The following ENOX2 variants were observed in gnomAD, a reference collection of about 807,000 sequenced individuals.
ENOX2 encodes ecto-NOX disulfide-thiol exchanger 2, also known as APK1 antigen.
In ENOX2, 36 loss-of-function variants were observed where a neutral mutation model predicts 45.0. The ratio of observed to expected loss-of-function variants is 0.80; its 90% CI spans 0.61 to 1.06. The LOEUF (loss-of-function observed/expected upper bound fraction) is 1.06, where lower values mean the gene tolerates loss of function less well. Among genes scored for constraint, ENOX2 ranks in the 50% least tolerant of loss-of-function variants. The probability of loss-of-function intolerance (pLI) is 0.00; values close to 1 mark genes in which losing one functional copy is unlikely to be tolerated. For synonymous variants in ENOX2, 174 were observed against 152.3 expected, an observed-to-expected ratio of 1.14 and a Z score of -1.05; for missense variants, 423 against 462.5, an observed-to-expected ratio of 0.91 and a Z score of 0.78.
At chrX:130,757,769 G>A (rs2039387680) in intron 3 of ENOX2, among the ~76,000 whole-genome samples, 1 of 109,490 alleles carries the variant, frequency 9.1e-6, no homozygotes, top group East Asian at 2.9e-4. Flanking sequence ...GGTCTCACTC[G>A]GTTGCCCAAG....
chrX:130,864,731 T>C (rs777908496), intron 2 of ENOX2, among the ~76,000 whole-genome samples: 12 of 112,297 alleles, frequency 1.1e-4, no homozygotes, highest in Admixed American at 2.8e-4. Flanking sequence ...CATAATCTTT[T>C]GGCTGGGCAT....
At chrX:130,843,784 A>G (rs965004519) in intron 2 of ENOX2, among the ~76,000 whole-genome samples, 5 of 112,143 alleles carry the variant, frequency 4.5e-5, no homozygotes, top group African/African-American at 1.3e-4. Flanking sequence ...GCCACCTAAA[A>G]GAGAGTTAGG....
chrX:130,891,768 C>A (rs1338743256), intron 2 of ENOX2, among the ~76,000 whole-genome samples: 1 of 111,066 alleles, frequency 9.0e-6, no homozygotes, highest in African/African-American at 3.3e-5. Flanking sequence ...AGGAATAGTT[C>A]TTAATTCACT....
chrX:130,633,513 C>T (rs1389368166), intron 12 of ENOX2, among the ~76,000 whole-genome samples: 2 of 112,780 alleles, frequency 1.8e-5, no homozygotes, highest in Non-Finnish European at 3.7e-5. Context: ...ATCTTTTCCC[C>T]TGTCCTCATC....
chrX:130,660,209 A>C (rs1025072794), intron 9 of ENOX2, among the ~76,000 whole-genome samples: 2 of 111,786 alleles, frequency 1.8e-5, no homozygotes, highest in African/African-American at 3.2e-5. Flanking sequence ...TCATATTATT[A>C]TTCTTCTATA....
chrX:130,674,839 A>G, intron 6 of ENOX2, among the ~76,000 whole-genome samples: 1 of 94,941 alleles, frequency 1.1e-5, no homozygotes, highest in East Asian at 3.3e-4. Context: ...TCATTGTTCA[A>G]TTCCCACCTA....
chrX:130,680,845 A>G (rs2037282686), intron 5 of ENOX2, among the ~76,000 whole-genome samples: 1 of 112,110 alleles, frequency 8.9e-6, no homozygotes, highest in African/African-American at 3.2e-5. Context: ...CCCCAACCTG[A>G]CTCTTATCCA....
chrX:130,636,277 T>C (rs1387838748), intron 11 of ENOX2, among the ~76,000 whole-genome samples: 1 of 112,618 alleles, frequency 8.9e-6, no homozygotes. Context: ...GAAATATTAA[T>C]GTCATATTAC....
intron 3 of ENOX2, among the ~76,000 whole-genome samples, chrX:130,711,159 C>T (rs1339344003): frequency 4.5e-5 from 5 of 111,973 alleles, no homozygotes; most frequent in African/African-American, 1.3e-4. Context: ...GAACAAATCA[C>T]ATTTGGGGTC....
At chrX:130,660,944 T>C (rs2036672478) in intron 9 of ENOX2, among the ~76,000 whole-genome samples, 1 of 112,014 alleles carries the variant, frequency 8.9e-6, no homozygotes, top group Admixed American at 9.4e-5. Flanking sequence ...TGTACTTTCA[T>C]ATAGAATAAA....
intron 3 of ENOX2, among the ~76,000 whole-genome samples, chrX:130,773,354 TCAAATCTGCTTATACTATTTA>T (rs1212436203): frequency 8.9e-6 from 1 of 111,886 alleles, no homozygotes; most frequent in Non-Finnish European, 1.9e-5. Flanking sequence ...CCTCCCTCTT[TCAAATCTGCTTATACTATTTA>T]TTAGTTGTCG....
Position 130,636,418 on chromosome X carries a change from G to C in ENOX2, c.1311+811C>G, listed in dbSNP as rs143679129. On this transcript the variant is annotated intron_variant, in intron 11 of 14. Coordinates refer to ENST00000394363, the MANE Select transcript of ENOX2 (RefSeq NM_006375.4). ...GCCCTAGACAATTTCAAGGCATACA[G>C]TTAAAAACTATTGCACAATTTAAGA... 3.8e-3 allele frequency among the ~76,000 whole-genome samples: 431 copies of C among 112,414 alleles called. 2 individuals are homozygous for C. The highest frequency in any genetic ancestry group is 0.013 in the African/African-American group (413 of 30,975).
chrX:130,729,998 G>A (rs895309874), intron 3 of ENOX2, among the ~76,000 whole-genome samples: 1 of 112,158 alleles, frequency 8.9e-6, no homozygotes, highest in African/African-American at 3.2e-5. Flanking sequence ...CACAGGGTAC[G>A]ATTCTCCTGC....
At chrX:130,700,581 T>C (rs1330841183) in intron 4 of ENOX2, among the ~76,000 whole-genome samples, 1 of 112,263 alleles carries the variant, frequency 8.9e-6, no homozygotes, top group Non-Finnish European at 1.9e-5. Context: ...ATCCAAATAC[T>C]TTCAATTTAA....
intron 2 of ENOX2, among the ~76,000 whole-genome samples, chrX:130,884,811 T>A (rs1466810404): frequency 2.7e-5 from 3 of 111,456 alleles, no homozygotes; most frequent in African/African-American, 9.8e-5. Flanking sequence ...TAGCTGTATA[T>A]TTTTTCTGCT....
At chrX:130,834,161 G>A (rs1254731971) in intron 2 of ENOX2, among the ~76,000 whole-genome samples, 1 of 111,607 alleles carries the variant, frequency 9.0e-6, no homozygotes, top group Non-Finnish European at 1.9e-5. Flanking sequence ...TTCAGCCCAT[G>A]TCTTCTTGTT....
At chrX:130,802,344 T>C (rs1408699083) in intron 2 of ENOX2, among the ~76,000 whole-genome samples, 1 of 112,405 alleles carries the variant, frequency 8.9e-6, no homozygotes, top group Non-Finnish European at 1.9e-5. Context: ...TCTTGCTTGA[T>C]ACAGTGAGAA....
rs1569337276 is a variant in ENOX2, at chrX:130,892,825, A to ACT, written c.-183+8858_-183+8859insAG. Among the ~76,000 whole-genome samples the ACT allele has an allele frequency of 5.9e-3, 661 of 112,716 alleles. 7 individuals carry two copies. Among genetic ancestry groups the ACT allele is most frequent in the African/African-American group, 0.02 (631 of 31,052 alleles). ...TGTTCATCTAGTTAATGATATGCAT[A>ACT]AAAAAATTTTTTAAAACTGTACTAA... On this transcript the variant is annotated intron_variant, in intron 2 of 14. Coordinates refer to ENST00000394363, the MANE Select transcript of ENOX2 (RefSeq NM_006375.4).
intron 2 of ENOX2, among the ~76,000 whole-genome samples, chrX:130,894,376 A>G (rs1432810341): frequency 5.5e-5 from 6 of 109,896 alleles, no homozygotes; most frequent in African/African-American, 2.0e-4. Context: ...GAAAAAAAAA[A>G]AAGAAAATTT....
Sources: allele counts gnomAD v4.1 joint callset (sites outside exome capture counted in the v4.1 genomes callset), GRCh38; gene constraint gnomAD v4.1.1; transcripts MANE v1.5; gene names NCBI Gene and HGNC (gene_info 2026-07-23, HGNC 2026-07-21).